MEI4: variants seen among roughly 807,000 people sequenced by gnomAD.
The protein encoded by MEI4 is meiotic double-stranded break formation protein 4, also known as meiosis-specific protein MEI4.
A neutral mutation model predicts 31.4 loss-of-function variants in MEI4; 27 were observed. The observed-to-expected ratio is 0.86, with a 90% CI of 0.63 to 1.19. MEI4 has a LOEUF of 1.19. Ranked by LOEUF, MEI4 falls within the 50% of genes most tolerant of loss-of-function variation. The pLI is 0.00. For missense variants in MEI4, 329 were observed against 398.9 expected (o/e 0.82, Z 1.49); for synonymous variants, 122 against 145.4 (o/e 0.84, Z 1.16).
At chr6:77,910,576 C>T (rs1451019779) in intron 4 of MEI4, among the ~76,000 whole-genome samples, 3 of 152,130 alleles carry the variant, frequency 2.0e-5, no homozygotes, top group Non-Finnish European at 4.4e-5. Flanking sequence ...AATGGAAGAA[C>T]ATTCCACGCT....
chr6:77,803,947 C>T (rs942475407), intron 3 of MEI4, among the ~76,000 whole-genome samples: 13 of 152,178 alleles, frequency 8.5e-5, no homozygotes, highest in Non-Finnish European at 1.3e-4. Context: ...GCCGTCTGTC[C>T]ATTCTCAGAT....
At chr6:77,867,715 G>C (rs1582234830) in intron 4 of MEI4, among the ~76,000 whole-genome samples, 1 of 151,270 alleles carries the variant, frequency 6.6e-6, no homozygotes, top group East Asian at 2.0e-4. Flanking sequence ...TCCGATTACT[G>C]GGTATATACC....
chr6:77,746,750 G>C (rs879588439), intron 2 of MEI4, among the ~76,000 whole-genome samples: 1 of 151,994 alleles, frequency 6.6e-6, no homozygotes, highest in East Asian at 1.9e-4. Flanking sequence ...GGATAACATA[G>C]TGCTTTCACT....
At position 77,690,695 on chromosome 6, in the gene MEI4, G is replaced by A; in HGVS notation, c.24G>A (p.Leu8=). Residue 8 remains leucine (L), a synonymous_variant, in exon 2 of 5, where the codon TTG becomes TTA. Coordinates refer to ENST00000684080, the MANE Select transcript of MEI4 (RefSeq NM_001322247.2). The stretch of plus-strand genomic sequence containing the variant: ...GGATGGATGTTCAAAAATGGTATTT[G>A]AGAACTTCAAAGCTGGCTCTGGCCT... MDVQKWY[L]RTSKLALALA... 8.1e-7 allele frequency: 1 copy of A among 1,231,204 alleles called. No homozygotes were observed. The highest frequency in any genetic ancestry group is 1.0e-6 in the Non-Finnish European group (1 of 987,214). 76.3% of individuals were successfully genotyped at this position (1,231,204 alleles called of 1,614,324 possible).
chr6:77,748,998 C>T (rs986446588), intron 2 of MEI4, among the ~76,000 whole-genome samples: 3 of 152,068 alleles, frequency 2.0e-5, no homozygotes, highest in Non-Finnish European at 2.9e-5. Flanking sequence ...GAGTGGACCT[C>T]CAGCAAACTC....
intron 1 of MEI4, among the ~76,000 whole-genome samples, chr6:77,655,160 G>GT (rs1354867010): frequency 1.3e-5 from 2 of 152,116 alleles, no homozygotes; most frequent in Non-Finnish European, 2.9e-5. Flanking sequence ...GCAGTGTTTG[G>GT]TTTCCTGTTC....
At chr6:77,897,765 C>T (rs914155605) in intron 4 of MEI4, among the ~76,000 whole-genome samples, 6 of 151,812 alleles carry the variant, frequency 4.0e-5, no homozygotes, top group Non-Finnish European at 7.4e-5. Flanking sequence ...GTCTTTTCAT[C>T]TTTCTTTTCT....
At chr6:77,817,009 T>TTGTGTGTGTGTGTATGTG (rs1769704649) in intron 3 of MEI4, among the ~76,000 whole-genome samples, 1 of 151,264 alleles carries the variant, frequency 6.6e-6, no homozygotes, top group Admixed American at 6.6e-5. Flanking sequence ...GATGACACTA[T>TTGTGTGTGTGTGTATGTG]TGTGTGTGTG....
chr6:77,895,187 C>A (rs1290063359), intron 4 of MEI4, among the ~76,000 whole-genome samples: 1 of 152,098 alleles, frequency 6.6e-6, no homozygotes, highest in Non-Finnish European at 1.5e-5. Context: ...TGATTATAGT[C>A]CTCATGGATT....
At chr6:77,690,050 G>A (rs1456101961) in intron 1 of MEI4, among the ~76,000 whole-genome samples, 1 of 151,904 alleles carries the variant, frequency 6.6e-6, no homozygotes, top group African/African-American at 2.4e-5. Context: ...GGAAATCTTT[G>A]GAAGTGAAGA....
chr6:77,767,693 T>TCACACACA (rs10612233), intron 3 of MEI4, among the ~76,000 whole-genome samples: 23 of 149,304 alleles, frequency 1.5e-4, no homozygotes, highest in African/African-American at 5.4e-4. Context: ...CAGGAAACTG[T>TCACACACA]CACACACACA....
chr6:77,847,535 T>C lies in MEI4; in HGVS notation c.900+18473T>C, dbSNP rs1290247776. ...CAATAATATACCTTTACTGATTGTT[T>C]TTCTCTTGTTTCCTGTGGCAAGTAA... On this transcript the variant is annotated intron_variant, in intron 4 of 4. Coordinates refer to ENST00000684080, the MANE Select transcript of MEI4 (RefSeq NM_001322247.2). The surrounding 1 kb of genome is among the most constrained non-coding windows in gnomAD (Gnocchi z 4.6). 4.6e-5 allele frequency among the ~76,000 whole-genome samples: 7 copies of C among 152,292 alleles called. No individual in the cohort carries two copies. The highest frequency in any genetic ancestry group is 2.6e-4 in the Admixed American group (4 of 15,294).
At chr6:77,905,805 T>G (rs545493296) in intron 4 of MEI4, among the ~76,000 whole-genome samples, 1 of 151,456 alleles carries the variant, frequency 6.6e-6, no homozygotes, top group Admixed American at 6.6e-5. Flanking sequence ...CAGCTTTTTT[T>G]TTTTTTAATA....
chr6:77,856,680 G>A (rs1280377685), intron 4 of MEI4, among the ~76,000 whole-genome samples: 6 of 152,134 alleles, frequency 3.9e-5, no homozygotes, highest in Non-Finnish European at 7.3e-5. Context: ...GCTAAGGCCC[G>A]GCATCCAGAC....
At chr6:77,692,635 A>G (rs1291295007) in intron 2 of MEI4, among the ~76,000 whole-genome samples, 1 of 152,048 alleles carries the variant, frequency 6.6e-6, no homozygotes, top group Non-Finnish European at 1.5e-5. Flanking sequence ...GACATTTATG[A>G]ATGGTTTCAG....
chr6:77,807,925 G>A (rs7752787), intron 3 of MEI4, among the ~76,000 whole-genome samples: 8,983 of 152,118 alleles, frequency 0.059, 787 homozygotes, highest in African/African-American at 0.19. Flanking sequence ...CTAAATTTTC[G>A]ACCATTGCAT....
intron 3 of MEI4, among the ~76,000 whole-genome samples, chr6:77,823,114 C>T (rs1294484426): frequency 6.6e-6 from 1 of 152,088 alleles, no homozygotes; most frequent in African/African-American, 2.4e-5. Context: ...ATGGCATCTT[C>T]AGGAATAATC....
intron 2 of MEI4, among the ~76,000 whole-genome samples, chr6:77,737,852 G>A (rs1443820963): frequency 1.3e-5 from 2 of 152,194 alleles, no homozygotes; most frequent in African/African-American, 4.8e-5. Flanking sequence ...GGTAGTAGCA[G>A]TACTAGCAGG....
chr6:77,789,900 A>G (rs1768866931), intron 3 of MEI4, among the ~76,000 whole-genome samples: 1 of 152,178 alleles, frequency 6.6e-6, no homozygotes, highest in Non-Finnish European at 1.5e-5. Flanking sequence ...CCATCCCATT[A>G]CTGGATATAT....
Sources: allele counts gnomAD v4.1 joint callset (sites outside exome capture counted in the v4.1 genomes callset), GRCh38; gene constraint gnomAD v4.1.1; non-coding constraint Gnocchi (gnomAD v3.1); transcripts MANE v1.5; gene names NCBI Gene and HGNC (gene_info 2026-07-23, HGNC 2026-07-21).